GRM8: variants seen among roughly 807,000 people sequenced by gnomAD.
GRM8 encodes glutamate metabotropic receptor 8.
GRM8 carries 47 observed loss-of-function variants against 87.2 expected under a neutral mutation model. The observed-to-expected ratio is 0.54, with a 90% CI of 0.43 to 0.69. GRM8 has a LOEUF of 0.69. GRM8 is among the 30% of genes least tolerant of loss of function. GRM8 has a pLI of 0.00. For missense variants in GRM8, 1,019 were observed against 1,139.2 expected (o/e 0.89, Z 1.52); for synonymous variants, 396 against 404.5 (o/e 0.98, Z 0.25).
intron 2 of GRM8, among the ~76,000 whole-genome samples, chr7:127,238,646 C>T (rs528804683): frequency 5.3e-5 from 8 of 152,342 alleles, no homozygotes; most frequent in South Asian, 2.1e-4. Flanking sequence ...TATGGATCTA[C>T]GCCACATGGC....
chr7:126,861,583 T>TC (rs1798143640), intron 6 of GRM8, among the ~76,000 whole-genome samples: 2 of 151,988 alleles, frequency 1.3e-5, no homozygotes, highest in Admixed American at 1.3e-4. Flanking sequence ...CATTTTTTTT[T>TC]CTTACCTGAT....
In GRM8 at chr7:127,026,347, C is replaced by T. The variant is rs559577322; in HGVS notation, c.727+80149G>A. On this transcript the variant is annotated intron_variant, in intron 3 of 10. Transcript: ENST00000339582. The stretch of plus-strand genomic sequence containing the variant: ...TCTTTATAGTAGAATGATTTATAAT[C>T]CTTTGGGTATATACCCAGTAATGAG... Among the ~76,000 whole-genome samples, 8 of 152,188 alleles carry T rather than the reference C, an allele frequency of 5.3e-5. No homozygotes were observed. In the South Asian group the frequency reaches 1.7e-3, roughly 32 times the overall value.
chr7:126,536,437 T>A (rs780787529), intron 8 of GRM8, among the ~76,000 whole-genome samples: 1 of 152,178 alleles, frequency 6.6e-6, no homozygotes, highest in East Asian at 1.9e-4. Flanking sequence ...CTTGAGAAAG[T>A]AGATGCTACT....
Position 126,775,479 on chromosome 7 carries a change from G to GTTTTTTTTTTT in GRM8, c.1157-5425_1157-5415dup, listed in dbSNP as rs372733476. ...TGAGCGCTATCAAGCTGACAAATAG[G>GTTTTTTTTTTT]TTTTTTTTTTTTTTTTTTTTTTTTT... On this transcript the variant is annotated intron_variant, in intron 6 of 10. Transcript: ENST00000339582. 4.2e-4 allele frequency among the ~76,000 whole-genome samples: 44 copies of GTTTTTTTTTTT among 104,758 alleles called. 3 individuals are homozygous for GTTTTTTTTTTT. The highest frequency in any genetic ancestry group is 1.8e-3 in the African/African-American group (41 of 23,058). The allele number at this position is 104,758 out of a possible 152,430, so 68.7% of individuals were successfully genotyped here. A position where few individuals can be genotyped will look rare whatever the true frequency, so the allele number is the denominator to read the frequency against.
intron 3 of GRM8, among the ~76,000 whole-genome samples, chr7:126,989,863 G>C (rs547893785): frequency 6.6e-6 from 1 of 152,186 alleles, no homozygotes; most frequent in South Asian, 2.1e-4. Context: ...TCCAGAGACT[G>C]AGGTGGGAGG....
chr7:126,617,496 T>C (rs1038751544), intron 7 of GRM8, among the ~76,000 whole-genome samples: 31 of 152,188 alleles, frequency 2.0e-4, no homozygotes, highest in Admixed American at 1.6e-3. Context: ...TCACCACTCC[T>C]ATGCAACATA....
intron 2 of GRM8, among the ~76,000 whole-genome samples, chr7:127,108,590 T>G (rs914372431): frequency 6.6e-6 from 1 of 152,154 alleles, no homozygotes; most frequent in Non-Finnish European, 1.5e-5. Flanking sequence ...ACTCCCACCC[T>G]GCCTATAATA....
At chr7:126,746,339 T>G (rs887887215) in intron 7 of GRM8, among the ~76,000 whole-genome samples, 1 of 151,668 alleles carries the variant, frequency 6.6e-6, no homozygotes, top group African/African-American at 2.4e-5. Context: ...AAATCTTTAA[T>G]AGTGGAAGAC....
At chr7:126,766,747 C>T (rs888863881) in intron 7 of GRM8, among the ~76,000 whole-genome samples, 10 of 152,096 alleles carry the variant, frequency 6.6e-5, no homozygotes, top group African/African-American at 2.4e-4. Flanking sequence ...CCTGAGCAAA[C>T]CTTGTTTTGG....
At chr7:127,000,839 T>C (rs1468129308) in intron 3 of GRM8, among the ~76,000 whole-genome samples, 1 of 151,732 alleles carries the variant, frequency 6.6e-6, no homozygotes, top group East Asian at 1.9e-4. Flanking sequence ...TTAAAGATGG[T>C]TAAAATAGCA....
intron 9 of GRM8, among the ~76,000 whole-genome samples, chr7:126,450,820 G>A (rs1802540978): frequency 6.6e-6 from 1 of 151,770 alleles, no homozygotes; most frequent in African/African-American, 2.4e-5. Flanking sequence ...CATATCAAAC[G>A]TTTTTATTTT....
At chr7:126,855,893 C>T (rs1383360187) in intron 6 of GRM8, among the ~76,000 whole-genome samples, 1 of 152,102 alleles carries the variant, frequency 6.6e-6, no homozygotes. Context: ...CAGCAGGTGT[C>T]CAGGAGAAGA....
At chr7:126,499,432 A>T (rs1361481963) in intron 9 of GRM8, among the ~76,000 whole-genome samples, 1 of 151,842 alleles carries the variant, frequency 6.6e-6, no homozygotes, top group Non-Finnish European at 1.5e-5. Context: ...AAAAACTAGA[A>T]TTATCGTATG....
chr7:126,793,148 T>C (rs1411228795), intron 6 of GRM8, among the ~76,000 whole-genome samples: 1 of 152,206 alleles, frequency 6.6e-6, no homozygotes, highest in African/African-American at 2.4e-5. Context: ...TACAAATCTT[T>C]ACTTCATTAT....
chr7:126,464,728 T>C (rs1325800910), intron 9 of GRM8, among the ~76,000 whole-genome samples: 1 of 151,728 alleles, frequency 6.6e-6, no homozygotes, highest in Non-Finnish European at 1.5e-5. Flanking sequence ...CTCATGACAA[T>C]GTAATGCTTA....
At chr7:126,747,180 G>A (rs1392803999) in intron 7 of GRM8, among the ~76,000 whole-genome samples, 1 of 151,960 alleles carries the variant, frequency 6.6e-6, no homozygotes, top group Non-Finnish European at 1.5e-5. Flanking sequence ...CTGGTTACAA[G>A]AGGATAGCCG....
At chr7:126,897,701 G>C (rs1199835800) in intron 6 of GRM8, among the ~76,000 whole-genome samples, 1 of 152,120 alleles carries the variant, frequency 6.6e-6, no homozygotes, top group African/African-American at 2.4e-5. Context: ...GTAGGATTAA[G>C]TAGTAGTAGC....
At chr7:126,745,910 A>G (rs865979205) in intron 7 of GRM8, among the ~76,000 whole-genome samples, 2 of 151,946 alleles carry the variant, frequency 1.3e-5, no homozygotes, top group Middle Eastern at 3.4e-3. Flanking sequence ...TTCATAAGCA[A>G]CTCAGATATA....
At chr7:126,918,785 C>T (rs537402909) in intron 3 of GRM8, among the ~76,000 whole-genome samples, 26 of 152,106 alleles carry the variant, frequency 1.7e-4, no homozygotes, top group African/African-American at 5.3e-4. Flanking sequence ...GAAATATAGC[C>T]GGTGTTTTAT....
Sources: gnomAD v4.1 joint callset for allele counts (sites outside exome capture counted in the v4.1 genomes callset) on GRCh38, gnomAD v4.1.1 for gene constraint, MANE v1.5 for transcripts, NCBI Gene and HGNC (gene_info 2026-07-23, HGNC 2026-07-21) for gene names.